MNT: variants seen among roughly 807,000 people sequenced by gnomAD.
MNT encodes the protein max-binding protein MNT.
MNT carries 13 observed loss-of-function variants against 40.7 expected under a neutral mutation model. That is an observed-to-expected ratio of 0.32 (90% confidence interval 0.21 to 0.51). The LOEUF is 0.51. MNT is among the 20% of genes least tolerant of loss of function. The pLI, the probability that MNT is intolerant of heterozygous loss-of-function variation, is 0.98. For synonymous variants in MNT, 426 were observed against 354.8 expected (o/e 1.20, Z -2.26); for missense variants, 757 against 792.0 (o/e 0.96, Z 0.53).
chr17:2,386,801 TGGCCTG>T lies in MNT; in HGVS notation c.*94_*99del. The stretch of plus-strand genomic sequence containing the variant: ...GAGGCCTGGGGGTGGGTGGGGGGGC[TGGCCTG>T]GGCCTGGCTGGAATGTGTGGAGCTG... On this transcript the variant is annotated 3_prime_UTR_variant, in exon 6 of 6. Coordinates refer to ENST00000174618, the MANE Select transcript of MNT (RefSeq NM_020310.3). The T allele has an allele frequency of 1.5e-5, 19 of 1,297,616 alleles. No individual in the cohort carries two copies. Among genetic ancestry groups the T allele is most frequent in the Non-Finnish European group, 1.8e-5 (18 of 979,108 alleles). The allele number at this position is 1,297,616 out of a possible 1,614,324, so 80.4% of individuals were successfully genotyped here.
chr17:2,386,752 A>C lies in MNT; in HGVS notation c.*149T>G. 1 of 722,314 alleles carries C rather than the reference A, an allele frequency of 1.4e-6. No individual in the cohort carries two copies. Among genetic ancestry groups the C allele is most frequent in the South Asian group, 2.6e-5 (1 of 38,378 alleles). 44.7% of individuals were successfully genotyped at this position (722,314 alleles called of 1,614,324 possible). On this transcript the variant is annotated 3_prime_UTR_variant, in exon 6 of 6. Transcript: ENST00000174618. ...GTGGCCCTTCCCTCCCTTGGCTCAG[A>C]GTCTTTGCACCCCCTTCCCCTAGGA...
chr17:2,390,443 G>A (rs2066504203), intron 4 of MNT: 1 of 152,314 alleles, frequency 6.6e-6, no homozygotes, highest in Admixed American at 6.5e-5. Flanking sequence ...TGTCACATCA[G>A]TGGGACATTT....
chr17:2,389,029 G>C (rs1386407202), intron 4 of MNT, among the ~76,000 whole-genome samples: 1 of 151,870 alleles, frequency 6.6e-6, no homozygotes, highest in South Asian at 2.1e-4. Flanking sequence ...GCCCGCCTTG[G>C]TTTTCCTCTC....
rs2151662896 is a variant in MNT at position 2,386,272 on chromosome 17, G to A, written c.*629C>T. On this transcript the variant is annotated 3_prime_UTR_variant, in exon 6 of 6. Coordinates refer to ENST00000174618, the MANE Select transcript of MNT (RefSeq NM_020310.3). Reference sequence around the variant, plus strand: ...AGAATCATTTTAAGTAGTATCTACGGTAACGAATCACAGTGACTGCAACCG... The same window carrying A: ...AGAATCATTTTAAGTAGTATCTACGATAACGAATCACAGTGACTGCAACCG... The A allele has an allele frequency of 6.6e-6, 1 of 152,398 alleles. No homozygotes were observed. The highest frequency in any genetic ancestry group is 1.9e-4 in the East Asian group (1 of 5,180). 9.4% of individuals were successfully genotyped at this position (152,398 alleles called of 1,614,324 possible). A position where few individuals can be genotyped will look rare whatever the true frequency, so the allele number is the denominator to read the frequency against.
intron 5 of MNT, 31 bp downstream of exon 5, chr17:2,387,826 C>T: frequency 1.3e-6 from 2 of 1,572,430 alleles, no homozygotes; most frequent in East Asian, 4.5e-5. Context: ...CATCTGAGGG[C>T]TGGGGGGCCA....
intron 1 of MNT, among the ~76,000 whole-genome samples, 170 bp from the exon 2 acceptor site, chr17:2,395,624 C>T (rs1310034784): frequency 6.6e-6 from 1 of 152,150 alleles, no homozygotes; most frequent in Admixed American, 6.5e-5. Flanking sequence ...GTGCCGGGGG[C>T]ACAGCAGTGA....
intron 4 of MNT, among the ~76,000 whole-genome samples, chr17:2,393,478 G>A (rs977530238): frequency 6.6e-6 from 1 of 152,148 alleles, no homozygotes; most frequent in Admixed American, 6.5e-5. Flanking sequence ...AGTCAAATCG[G>A]AGTTTTCCCC....
intron 2 of MNT, 63 bp from the exon 3 acceptor site, chr17:2,394,409 G>GC: frequency 6.2e-7 from 1 of 1,608,590 alleles, no homozygotes; most frequent in Middle Eastern, 1.7e-4. Flanking sequence ...TTCCTGACCA[G>GC]CGCCGCCACC....
In MNT at chr17:2,400,695, T is replaced by C. The variant is rs1412012607; in HGVS notation, c.18A>G (p.Leu6=). The C allele has an allele frequency of 1.3e-5, 21 of 1,586,950 alleles. No individual in the cohort carries two copies. The highest frequency in any genetic ancestry group is 4.9e-5 in the East Asian group (2 of 40,978). Residue 6 remains leucine, a synonymous_variant, in exon 1 of 6, where the codon CTA becomes CTG. Transcript: ENST00000174618. Reference sequence around the variant, plus strand: ...ATTCCAGGAAGCGGGCCGCCTCCAGTAGCGTCTCTATGCTCATCGCGCCGA... The same window carrying C: ...ATTCCAGGAAGCGGGCCGCCTCCAGCAGCGTCTCTATGCTCATCGCGCCGA... MSIET[L]LEAARFLEWQ...
chr17:2,399,644 C>T (rs2151673110), intron 1 of MNT, among the ~76,000 whole-genome samples: 1 of 152,184 alleles, frequency 6.6e-6, no homozygotes, highest in African/African-American at 2.4e-5. Flanking sequence ...CCCTTGCCAG[C>T]CCCGCCCAGG....
At chr17:2,397,373 C>T (rs1417371345) in intron 1 of MNT, among the ~76,000 whole-genome samples, 1 of 152,156 alleles carries the variant, frequency 6.6e-6, no homozygotes, top group Non-Finnish European at 1.5e-5. Flanking sequence ...CTCTGGATCC[C>T]AGGGCCTAAC....
chr17:2,392,897 G>C (rs1368048706), intron 4 of MNT: 1 of 152,230 alleles, frequency 6.6e-6, no homozygotes, highest in Non-Finnish European at 1.5e-5. Flanking sequence ...GCGGGAGGCT[G>C]GGAGAGAGCT....
At position 2,386,427 on chromosome 17, in the gene MNT, T is replaced by C. The variant is rs1459422525; in HGVS notation, c.*474A>G. The stretch of plus-strand genomic sequence containing the variant: ...CCAATCCGCAGCTTTCTGGGCCAAG[T>C]GGCTTCAGTTCTGCTTTCCCCATTT... On this transcript the variant is annotated 3_prime_UTR_variant, in exon 6 of 6. Coordinates refer to ENST00000174618, the MANE Select transcript of MNT (RefSeq NM_020310.3). 6 of 158,878 alleles carry C rather than the reference T, an allele frequency of 3.8e-5. No homozygotes were observed. In the Admixed American group the frequency reaches 3.9e-4, roughly 10 times the overall value. The allele number at this position is 158,878 out of a possible 1,614,324, so 9.8% of individuals were successfully genotyped here.
At chr17:2,395,548 A>G in intron 1 of MNT, 94 bp from the exon 2 acceptor site, 1 of 1,565,488 alleles carries the variant, frequency 6.4e-7, no homozygotes, top group South Asian at 1.1e-5. Context: ...GTCAGTACTC[A>G]GTGACACCCC....
intron 1 of MNT, chr17:2,400,360 C>T: frequency 2.9e-6 from 1 of 347,742 alleles, no homozygotes; most frequent in Non-Finnish European, 5.3e-6. Flanking sequence ...CGCTGGCCCA[C>T]GCAAAAGCAG....
intron 4 of MNT, chr17:2,392,823 G>C (rs1006279397): frequency 4.6e-5 from 7 of 151,874 alleles, no homozygotes; most frequent in African/African-American, 1.7e-4. Flanking sequence ...CGGCTGCCCG[G>C]AAGCGGCCTG....
chr17:2,386,785 G>C lies in MNT; in HGVS notation c.*116C>G. ...CACCCCCTTCCCCTAGGAGGCCTGG[G>C]GGTGGGTGGGGGGGCTGGCCTGGGC... On this transcript the variant is annotated 3_prime_UTR_variant, in exon 6 of 6. Transcript: ENST00000174618. The C allele has an allele frequency of 8.7e-7, 1 of 1,144,054 alleles. No homozygotes were observed. The highest frequency in any genetic ancestry group is 1.2e-6 in the Non-Finnish European group (1 of 838,638). The allele number at this position is 1,144,054 out of a possible 1,614,324, so 70.9% of individuals were successfully genotyped here. A position where few individuals can be genotyped will look rare whatever the true frequency, so the allele number is the denominator to read the frequency against.
chr17:2,397,337 G>A (rs2066585048), intron 1 of MNT, among the ~76,000 whole-genome samples: 1 of 152,136 alleles, frequency 6.6e-6, no homozygotes, highest in Admixed American at 6.5e-5. Flanking sequence ...GTTGTCCCCA[G>A]CCCCTTCCCC....
rs759465946 is a variant in MNT at position 2,387,900 on chromosome 17, C to T, written c.957G>A (p.Thr319=). The stretch of plus-strand genomic sequence containing the variant: ...AGGCCTGGTCATCCTCGGGCTGGCC[C>T]GTCTGCCGCAGCACGCGGTCAATCT... ...VLEIDRVLRQ[T]GQPEDDQAST... is the part of the protein sequence containing the mutation. Residue 319 remains threonine (T), a synonymous_variant, in exon 5 of 6, where the codon ACG becomes ACA. Coordinates refer to ENST00000174618, the MANE Select transcript of MNT (RefSeq NM_020310.3). 20 of 1,605,058 alleles carry T rather than the reference C, an allele frequency of 1.2e-5. No individual in the cohort carries two copies. The highest frequency in any genetic ancestry group is 6.7e-5 in the East Asian group (3 of 44,866).
Sources: allele counts gnomAD v4.1 joint callset (sites outside exome capture counted in the v4.1 genomes callset), GRCh38; gene constraint gnomAD v4.1.1; transcripts MANE v1.5; gene names NCBI Gene and HGNC (gene_info 2026-07-23, HGNC 2026-07-21).